CDK15: variants seen among roughly 807,000 people sequenced by gnomAD.
CDK15 encodes cyclin dependent kinase 15.
CDK15 carries 62 observed loss-of-function variants against 60.3 expected under a neutral mutation model. The ratio of observed to expected loss-of-function variants is 1.03; its 90% CI spans 0.84 to 1.27. The LOEUF is 1.27. Among genes scored for constraint, CDK15 ranks in the 50% most tolerant of loss-of-function variants. The pLI is 0.00. For synonymous variants in CDK15, 194 were observed against 195.7 expected, an observed-to-expected ratio of 0.99 and a Z score of 0.07; for missense variants, 541 against 527.8, an observed-to-expected ratio of 1.03 and a Z score of -0.25.
At chr2:201,818,709 A>G (rs942430364) in intron 4 of CDK15, among the ~76,000 whole-genome samples, 4 of 152,228 alleles carry the variant, frequency 2.6e-5, no homozygotes, top group African/African-American at 7.2e-5. Flanking sequence ...CAGTTTTCAT[A>G]TAACGATTTC....
intron 3 of CDK15, among the ~76,000 whole-genome samples, chr2:201,811,820 A>G (rs1182346415): frequency 6.6e-6 from 1 of 152,182 alleles, no homozygotes; most frequent in East Asian, 1.9e-4. Flanking sequence ...TATGCCTCCA[A>G]CTACTCTGCT....
chr2:201,818,984 C>G (rs1696106470), intron 4 of CDK15, among the ~76,000 whole-genome samples: 1 of 151,524 alleles, frequency 6.6e-6, no homozygotes, highest in Admixed American at 6.6e-5. Flanking sequence ...CAAAACAAAA[C>G]AAAAGTGCCC....
Position 201,821,201 on chromosome 2 carries a change from A to C in CDK15, c.449-1608A>C, listed in dbSNP as rs78818578. ...CACTTCTTTTCTAATGGCACCAGCA[A>C]AACAGGGCTCTGCCAAACTTGGGTT... is the stretch of plus-strand genomic sequence containing the variant. On this transcript the variant is annotated intron_variant, in intron 4 of 13. Transcript: ENST00000652192. 2.5e-3 allele frequency among the ~76,000 whole-genome samples: 379 copies of C among 152,236 alleles called. 1 individual carries two copies. The highest frequency in any genetic ancestry group is 8.7e-3 in the African/African-American group (360 of 41,536).
chr2:201,845,435 C>T (rs1465679857), intron 8 of CDK15, among the ~76,000 whole-genome samples: 1 of 151,870 alleles, frequency 6.6e-6, no homozygotes, highest in Non-Finnish European at 1.5e-5. Flanking sequence ...TTCTCCTACA[C>T]AATCAATGAA....
At chr2:201,848,920 C>T (rs1342062046) in intron 9 of CDK15, among the ~76,000 whole-genome samples, 2 of 150,994 alleles carry the variant, frequency 1.3e-5, no homozygotes, top group Admixed American at 6.6e-5. Context: ...GAAGCATTCA[C>T]AACTGAAAAA....
intron 9 of CDK15, among the ~76,000 whole-genome samples, chr2:201,851,851 G>A (rs1396779108): frequency 6.6e-6 from 1 of 152,098 alleles, no homozygotes; most frequent in Non-Finnish European, 1.5e-5. Flanking sequence ...TAGAGACAGG[G>A]TTTTACCATG....
intron 9 of CDK15, among the ~76,000 whole-genome samples, chr2:201,853,440 A>G (rs1280260246): frequency 6.6e-6 from 1 of 152,218 alleles, no homozygotes; most frequent in Non-Finnish European, 1.5e-5. Context: ...CAACAAGCTG[A>G]TAGACACTAA....
intron 10 of CDK15, among the ~76,000 whole-genome samples, chr2:201,862,783 C>T (rs1038227715): frequency 6.6e-6 from 1 of 152,072 alleles, no homozygotes; most frequent in African/African-American, 2.4e-5. Context: ...GGGTCGTAGC[C>T]GTATTCCACT....
intron 4 of CDK15, among the ~76,000 whole-genome samples, chr2:201,822,008 A>G (rs563755884): frequency 1.3e-5 from 2 of 152,258 alleles, no homozygotes; most frequent in South Asian, 4.1e-4. Context: ...TACCTTTTCT[A>G]GTCTCTGCTT....
chr2:201,829,343 A>G (rs1440824640), intron 6 of CDK15, among the ~76,000 whole-genome samples: 2 of 152,168 alleles, frequency 1.3e-5, no homozygotes, highest in Non-Finnish European at 2.9e-5. Flanking sequence ...GCTAATCAGA[A>G]CCACAGTGGT....
intron 3 of CDK15, among the ~76,000 whole-genome samples, chr2:201,810,572 T>G (rs990954733): frequency 1.3e-5 from 2 of 152,124 alleles, no homozygotes; most frequent in Non-Finnish European, 2.9e-5. Flanking sequence ...AATGATTCAA[T>G]ACATTAACAA....
intron 10 of CDK15, among the ~76,000 whole-genome samples, chr2:201,867,288 C>T (rs1194580701): frequency 6.6e-6 from 1 of 152,106 alleles, no homozygotes; most frequent in East Asian, 1.9e-4. Flanking sequence ...ACCAAAGGTC[C>T]TCTGCCTTAG....
At chr2:201,871,518 C>T (rs572745761) in intron 10 of CDK15, among the ~76,000 whole-genome samples, 2 of 151,776 alleles carry the variant, frequency 1.3e-5, no homozygotes, top group African/African-American at 4.8e-5. Flanking sequence ...TCACATTTCA[C>T]GCGCGTATAC....
At position 201,874,910 on chromosome 2, in the gene CDK15, A is replaced by G. The variant is rs369567170; in HGVS notation, c.1058+2584A>G. ...TTCCTCTTCCTGTAGGTCTAGGGGG[A>G]AAACCAAAGAACCCAGTTGAGCTCA... is the stretch of plus-strand genomic sequence containing the variant. On this transcript the variant is annotated intron_variant, in intron 11 of 13. Transcript: ENST00000652192. Among the ~76,000 whole-genome samples the G allele has an allele frequency of 2.8e-3, 420 of 152,142 alleles. 3 individuals are homozygous for G. Among genetic ancestry groups the G allele is most frequent in the African/African-American group, 9.2e-3 (381 of 41,520 alleles).
chr2:201,873,069 A>G (rs1698919188), intron 11 of CDK15, among the ~76,000 whole-genome samples: 1 of 152,198 alleles, frequency 6.6e-6, no homozygotes, highest in Non-Finnish European at 1.5e-5. Flanking sequence ...TTCACTGGCC[A>G]AGATCCTGAC....
chr2:201,823,870 G>T, intron 6 of CDK15, 143 bp downstream of exon 6: 1 of 659,858 alleles, frequency 1.5e-6, no homozygotes, highest in Non-Finnish European at 2.5e-6. Flanking sequence ...GTTTTGTTTT[G>T]TTTTCGTTTT....
At chr2:201,847,996 G>A (rs866746675) in intron 9 of CDK15, among the ~76,000 whole-genome samples, 5 of 152,020 alleles carry the variant, frequency 3.3e-5, no homozygotes, top group African/African-American at 4.8e-5. Flanking sequence ...GCTGTGTGGC[G>A]CACACCTTAG....
chr2:201,861,851 G>A (rs1698416306), intron 10 of CDK15, among the ~76,000 whole-genome samples: 1 of 152,240 alleles, frequency 6.6e-6, no homozygotes, highest in South Asian at 2.1e-4. Flanking sequence ...GTGAGCCACT[G>A]CCTCCATTTG....
chr2:201,828,332 T>C (rs1696599522), intron 6 of CDK15, among the ~76,000 whole-genome samples: 1 of 151,058 alleles, frequency 6.6e-6, no homozygotes, highest in Admixed American at 6.6e-5. Context: ...AAAGAGCAAA[T>C]ACACAAAGAG....
Sources: allele counts gnomAD v4.1 joint callset (sites outside exome capture counted in the v4.1 genomes callset), GRCh38; gene constraint gnomAD v4.1.1; transcripts MANE v1.5; gene names NCBI Gene and HGNC (gene_info 2026-07-23, HGNC 2026-07-21).